The following BICD1 variants were observed in gnomAD, a reference collection of about 807,000 sequenced individuals.
The protein encoded by BICD1 is protein bicaudal D homolog 1.
In BICD1, 35 loss-of-function variants were observed where a neutral mutation model predicts 92.5. The ratio of observed to expected loss-of-function variants is 0.38; its 90% CI spans 0.29 to 0.50. The LOEUF is 0.50. Ranked by LOEUF, BICD1 falls within the 20% of genes least tolerant of loss-of-function variation. The probability of loss-of-function intolerance (pLI) is 0.93; values close to 1 mark genes in which losing one functional copy is unlikely to be tolerated. For synonymous variants in BICD1, 429 were observed against 465.1 expected, an observed-to-expected ratio of 0.92 and a Z score of 1.00; for missense variants, 950 against 1,189.8, an observed-to-expected ratio of 0.80 and a Z score of 2.97.
intron 2 of BICD1, among the ~76,000 whole-genome samples, chr12:32,233,322 T>TTAAAAAAAAAAAAAAA (rs35803631): frequency 7.9e-6 from 1 of 127,076 alleles, no homozygotes; most frequent in African/African-American, 2.9e-5. Flanking sequence ...AGTCTGTCTT[T>TTAAAAAAAAAAAAAAA]AAAAAAAAAA....
chr12:32,109,892 A>G (rs1341820375), intron 1 of BICD1, among the ~76,000 whole-genome samples: 1 of 152,116 alleles, frequency 6.6e-6, no homozygotes, highest in African/African-American at 2.4e-5. Context: ...CAGTTTTGAA[A>G]AATATTTTGT....
chr12:32,235,719 T>C (rs1259596269), intron 2 of BICD1, among the ~76,000 whole-genome samples: 1 of 149,168 alleles, frequency 6.7e-6, no homozygotes, highest in South Asian at 2.1e-4. Flanking sequence ...TTTTTTTTTT[T>C]AGACAGAGTC....
chr12:32,255,340 A>C (rs780348393), intron 2 of BICD1, among the ~76,000 whole-genome samples: 3 of 152,050 alleles, frequency 2.0e-5, no homozygotes, highest in Admixed American at 1.3e-4. Context: ...GGGCTTCAAC[A>C]TAGGAGTTTG....
intron 2 of BICD1, among the ~76,000 whole-genome samples, chr12:32,293,370 T>A (rs1260469806): frequency 2.0e-5 from 3 of 152,240 alleles, no homozygotes; most frequent in Admixed American, 6.5e-5. Context: ...CAGGCTGGAG[T>A]GAAGTGGCCT....
In BICD1 at chr12:32,327,615, T is replaced by C. The variant is rs775318566; in HGVS notation, c.1160T>C (p.Leu387Pro). 1.2e-6 allele frequency: 2 copies of C among 1,613,832 alleles called. No homozygotes were observed. Among genetic ancestry groups the C allele is most frequent in the South Asian group, 2.2e-5 (2 of 91,060 alleles). The change falls in exon 5 of 10, where the codon CTC becomes CCC. Residue 387 changes from leucine (L) to proline (P), a missense_variant. Around this residue, in one of 5 missense-constraint regions of BICD1, gnomAD observed 246 missense variants for 258.4 expected, o/e 0.95. Transcript: ENST00000652176. ...AGGGGCCTGCAAAGCAGCAAGGAGCTCAAGGCTGAGCTGGACGGGGAGAAG... is the reference window on the plus strand; with the variant it reads ...AGGGGCCTGCAAAGCAGCAAGGAGCCCAAGGCTGAGCTGGACGGGGAGAAG... ...AMRGLQSSKE[L>P]KAELDGEKGR...
intron 4 of BICD1, among the ~76,000 whole-genome samples, chr12:32,326,080 CAAAAAAAAAA>C (rs372956491): frequency 9.0e-5 from 6 of 66,498 alleles, no homozygotes; most frequent in African/African-American, 3.7e-4. Context: ...GACTCCATCT[CAAAAAAAAAA>C]AAAAAAAAAA....
chr12:32,295,954 A>G (rs1194927457), intron 3 of BICD1, among the ~76,000 whole-genome samples: 1 of 152,032 alleles, frequency 6.6e-6, no homozygotes, highest in Non-Finnish European at 1.5e-5. Context: ...CGTCTGGCCA[A>G]AATTTGATTT....
chr12:32,344,609 C>T (rs1938501657), intron 8 of BICD1, among the ~76,000 whole-genome samples: 1 of 152,128 alleles, frequency 6.6e-6, no homozygotes, highest in Non-Finnish European at 1.5e-5. Flanking sequence ...TTAAATATGT[C>T]CCAAGTTACA....
At chr12:32,250,644 G>A (rs7135618) in intron 2 of BICD1, among the ~76,000 whole-genome samples, 48,712 of 151,964 alleles carry the variant, frequency 0.32, 9,988 homozygotes, top group African/African-American at 0.57. Context: ...AATCTTTATT[G>A]CATACAGACA....
intron 2 of BICD1, among the ~76,000 whole-genome samples, chr12:32,234,177 A>C (rs1945987590): frequency 1.3e-5 from 2 of 152,226 alleles, no homozygotes; most frequent in African/African-American, 4.8e-5. Flanking sequence ...GGATCTCATA[A>C]GGCAGGCTAT....
At chr12:32,133,653 T>A (rs1241691400) in intron 1 of BICD1, among the ~76,000 whole-genome samples, 1 of 152,200 alleles carries the variant, frequency 6.6e-6, no homozygotes, top group Admixed American at 6.5e-5. Flanking sequence ...GGAGCCATAT[T>A]TCTTAGTTTC....
chr12:32,115,387 G>GTTTTTTT (rs4035442), intron 1 of BICD1, among the ~76,000 whole-genome samples: 12 of 142,428 alleles, frequency 8.4e-5, no homozygotes, highest in Admixed American at 4.2e-4. Flanking sequence ...GGTGTTTTTG[G>GTTTTTTT]TTTTTTTTTT....
At chr12:32,245,383 A>G (rs326639) in intron 2 of BICD1, among the ~76,000 whole-genome samples, 49,108 of 151,970 alleles carry the variant, frequency 0.32, 9,497 homozygotes, top group Non-Finnish European at 0.43. Context: ...GCTCAATTCA[A>G]GTGACTATTT....
At chr12:32,294,964 C>G (rs999541216) in intron 3 of BICD1, among the ~76,000 whole-genome samples, 2 of 151,378 alleles carry the variant, frequency 1.3e-5, no homozygotes, top group Non-Finnish European at 2.9e-5. Flanking sequence ...TACCTGTAAT[C>G]TCAGCTACTC....
chr12:32,346,588 ATATATATATATATATATATATATACGTG>A (rs1938610906), intron 8 of BICD1, among the ~76,000 whole-genome samples: 2 of 4,086 alleles, frequency 4.9e-4, no homozygotes, highest in African/African-American at 2.8e-3. Flanking sequence ...ATATACGTGT[ATATATATATATATATATATATATACGTG>A]TATATATATA....
intron 1 of BICD1, among the ~76,000 whole-genome samples, chr12:32,150,968 T>G (rs534678510): frequency 1.2e-4 from 18 of 152,202 alleles, no homozygotes; most frequent in Non-Finnish European, 2.5e-4. Flanking sequence ...ACCCTGCTTC[T>G]TAGCAATTTT....
chr12:32,176,280 G>C (rs1944087318), intron 1 of BICD1, among the ~76,000 whole-genome samples: 1 of 152,046 alleles, frequency 6.6e-6, no homozygotes, highest in Non-Finnish European at 1.5e-5. Context: ...TATGTTTTTT[G>C]AGAAATTGTC....
At chr12:32,253,825 G>GA (rs1946630520) in intron 2 of BICD1, among the ~76,000 whole-genome samples, 1 of 145,264 alleles carries the variant, frequency 6.9e-6, no homozygotes, top group Admixed American at 6.8e-5. Flanking sequence ...AATCACTGCC[G>GA]TATCCCACCT....
chr12:32,242,513 C>A (rs1253768000), intron 2 of BICD1, among the ~76,000 whole-genome samples: 1 of 150,604 alleles, frequency 6.6e-6, no homozygotes, highest in East Asian at 2.0e-4. Context: ...GCCGACAGAG[C>A]GAGACTCTGT....
Sources: allele counts gnomAD v4.1 joint callset (sites outside exome capture counted in the v4.1 genomes callset), GRCh38; gene constraint gnomAD v4.1.1; regional missense constraint gnomAD v4.1.1; transcripts MANE v1.5; gene names NCBI Gene and HGNC (gene_info 2026-07-23, HGNC 2026-07-21).